The following SLC9B1 variants were observed in gnomAD, a reference collection of about 807,000 sequenced individuals.
SLC9B1 encodes solute carrier family 9 member B1, also known as sodium/hydrogen exchanger 9B1.
SLC9B1 carries 32 observed loss-of-function variants against 51.7 expected under a neutral mutation model. The observed-to-expected ratio is 0.62, with a 90% CI of 0.47 to 0.83. The LOEUF is 0.83. SLC9B1 is among the 40% of genes least tolerant of loss of function. The pLI is 0.00. For missense variants in SLC9B1, 406 were observed against 613.2 expected (o/e 0.66, Z 3.57); for synonymous variants, 145 against 212.7 (o/e 0.68, Z 2.77).
chr4:102,965,098 T>C (rs189662352), intron 3 of SLC9B1, among the ~76,000 whole-genome samples: 11 of 152,142 alleles, frequency 7.2e-5, no homozygotes, highest in African/African-American at 2.4e-4. Flanking sequence ...TATACAAAAA[T>C]CGGTTATATA....
Position 102,984,970 on chromosome 4 carries a change from T to C in SLC9B1, c.211+4830A>G, listed in dbSNP as rs868210590. Among the ~76,000 whole-genome samples the C allele has an allele frequency of 2.0e-5, 3 of 152,172 alleles. No individual in the cohort carries two copies. The South Asian group carries it at 6.2e-4, about 31-fold the overall frequency. The stretch of plus-strand genomic sequence containing the variant: ...AGCTGGGACTAAAGATGCATACCAA[T>C]GAGCCTGGCTTGACTCACGTATTTT... On this transcript the variant is annotated intron_variant, in intron 3 of 11. Transcript: ENST00000296422.
chr4:102,923,650 A>C (rs1736000378), intron 7 of SLC9B1, among the ~76,000 whole-genome samples: 1 of 149,092 alleles, frequency 6.7e-6, no homozygotes, highest in African/African-American at 2.5e-5. Flanking sequence ...ACATTATTGT[A>C]TATTTAGAAA....
intron 4 of SLC9B1, among the ~76,000 whole-genome samples, chr4:102,947,214 C>T (rs538923350): frequency 3.9e-5 from 6 of 152,098 alleles, no homozygotes; most frequent in East Asian, 3.9e-4. Context: ...CCACAGTCCA[C>T]GCAAAAGTTG....
chr4:102,978,992 T>C (rs1325897726), intron 3 of SLC9B1, among the ~76,000 whole-genome samples: 1 of 152,222 alleles, frequency 6.6e-6, no homozygotes, highest in African/African-American at 2.4e-5. Context: ...TTTTTAAATA[T>C]GATGCTGTGA....
rs1047736032 is a variant in SLC9B1 at position 102,892,354 on chromosome 4, C to T, written c.1333-7026G>A. The T allele has an allele frequency of 2.0e-5, 3 of 152,200 alleles. 1 individual carries two copies. Among genetic ancestry groups the T allele is most frequent in the Admixed American group, 1.3e-4 (2 of 15,270 alleles). 9.4% of individuals were successfully genotyped at this position (152,200 alleles called of 1,614,324 possible). A position where few individuals can be genotyped will look rare whatever the true frequency, so the allele number is the denominator to read the frequency against. On this transcript the variant is annotated intron_variant, in intron 11 of 11. Transcript: ENST00000394789. ...GGATTGCAGGCATGAGCAACCATGCCTGGTGTTTTATCTTTTGCAGAAATC... is the reference window on the plus strand; with the variant it reads ...GGATTGCAGGCATGAGCAACCATGCTTGGTGTTTTATCTTTTGCAGAAATC...
At chr4:102,894,672 T>C (rs895954885) in intron 11 of SLC9B1, among the ~76,000 whole-genome samples, 1 of 152,120 alleles carries the variant, frequency 6.6e-6, no homozygotes, top group African/African-American at 2.4e-5. Context: ...AAGAAACACA[T>C]GAGGCTAGGC....
intron 7 of SLC9B1, among the ~76,000 whole-genome samples, chr4:102,929,415 T>C (rs1436062743): frequency 6.6e-6 from 1 of 152,208 alleles, no homozygotes; most frequent in Non-Finnish European, 1.5e-5. Flanking sequence ...AGTGGTGACA[T>C]ATATGGAACT....
intron 1 of SLC9B1, among the ~76,000 whole-genome samples, chr4:102,994,988 G>A (rs532128576): frequency 8.5e-5 from 13 of 152,278 alleles, no homozygotes; most frequent in Admixed American, 2.6e-4. Context: ...CTTGTCATAA[G>A]CTGTTAGATT....
chr4:102,999,718 A>G lies in SLC9B1; in HGVS notation c.-1-8006T>C, dbSNP rs562048587. ...CTTTGTAATGCTCAGTTTTATTTCA[A>G]TTTGTCCTTGTTCCTCAAGTATAGT... On this transcript the variant is annotated intron_variant, in intron 1 of 11. Transcript: ENST00000296422. Among the ~76,000 whole-genome samples the G allele has an allele frequency of 1.9e-4, 29 of 152,280 alleles. 1 individual carries two copies. In the South Asian group the frequency reaches 6.0e-3, roughly 32 times the overall value.
chr4:102,979,234 T>C (rs1269817234), intron 3 of SLC9B1, among the ~76,000 whole-genome samples: 1 of 152,230 alleles, frequency 6.6e-6, no homozygotes. Context: ...GTAGTTAACC[T>C]GATTGGTGAG....
intron 3 of SLC9B1, among the ~76,000 whole-genome samples, chr4:102,971,852 T>C (rs1354554134): frequency 6.6e-6 from 1 of 152,132 alleles, no homozygotes; most frequent in Non-Finnish European, 1.5e-5. Flanking sequence ...CAGAGAATAC[T>C]ATAAACCCCT....
chr4:102,923,784 C>A (rs1321905398), intron 7 of SLC9B1, among the ~76,000 whole-genome samples: 1 of 152,184 alleles, frequency 6.6e-6, no homozygotes, highest in East Asian at 1.9e-4. Flanking sequence ...AGAGCCAAAT[C>A]ATGAGTGAAC....
intron 7 of SLC9B1, among the ~76,000 whole-genome samples, chr4:102,913,796 T>TAAAAAAAAAAAAAAAAAAAAAGAAAAAA (rs1735459749): frequency 1.4e-5 from 1 of 71,448 alleles, no homozygotes; most frequent in Non-Finnish European, 2.8e-5. Context: ...AGATAGAAAC[T>TAAAAAAAAAAAAAAAAAAAAAGAAAAAA]AAAAAAAAAA....
intron 11 of SLC9B1, among the ~76,000 whole-genome samples, chr4:102,893,774 A>G (rs997878347): frequency 1.1e-4 from 16 of 152,080 alleles, no homozygotes; most frequent in African/African-American, 3.9e-4. Flanking sequence ...AAATACAAAA[A>G]TTAGCCTGGC....
At chr4:102,928,087 G>T (rs1736278380) in intron 7 of SLC9B1, among the ~76,000 whole-genome samples, 1 of 151,568 alleles carries the variant, frequency 6.6e-6, no homozygotes, top group South Asian at 2.1e-4. Context: ...GGGGTGGAGG[G>T]CTGGGGGAGG....
At chr4:103,006,424 A>T (rs1393798549) in intron 1 of SLC9B1, among the ~76,000 whole-genome samples, 1 of 152,020 alleles carries the variant, frequency 6.6e-6, no homozygotes. Context: ...GAAACGTACA[A>T]CCTCCCAAGA....
chr4:102,961,964 G>T (rs1473392356), intron 3 of SLC9B1: 5 of 250,470 alleles, frequency 2.0e-5, no homozygotes, highest in Non-Finnish European at 3.9e-5. Context: ...GCATGGCGGG[G>T]TTCCTGCCTT....
At chr4:102,965,802 G>A (rs976864655) in intron 3 of SLC9B1, among the ~76,000 whole-genome samples, 9 of 151,832 alleles carry the variant, frequency 5.9e-5, no homozygotes, top group African/African-American at 2.2e-4. Flanking sequence ...AAAACAACAA[G>A]TTATTTACTT....
chr4:102,963,012 T>C, intron 3 of SLC9B1: 1 of 458,494 alleles, frequency 2.2e-6, no homozygotes. Flanking sequence ...TTGATGTGCA[T>C]GGTCCACTGT....
Sources: allele counts gnomAD v4.1 joint callset (sites outside exome capture counted in the v4.1 genomes callset), GRCh38; gene constraint gnomAD v4.1.1; transcripts MANE v1.5; gene names NCBI Gene and HGNC (gene_info 2026-07-23, HGNC 2026-07-21).